Variants in DROSHA observed in about 807,000 individuals in gnomAD.
DROSHA encodes the protein drosha ribonuclease III.
DROSHA carries 56 observed loss-of-function variants against 181.9 expected under a neutral mutation model. That is an observed-to-expected ratio of 0.31 (90% CI 0.25 to 0.38). The LOEUF is 0.38. Ranked by LOEUF, DROSHA falls within the 10% of genes least tolerant of loss-of-function variation. The pLI is 1.00. For missense variants in DROSHA, 1,218 were observed against 1,743.5 expected (o/e 0.70, Z 5.37); for synonymous variants, 524 against 591.2 (o/e 0.89, Z 1.65).
intron 13 of DROSHA, among the ~76,000 whole-genome samples, chr5:31,487,957 G>A (rs576058405): frequency 1.3e-5 from 2 of 152,044 alleles, no homozygotes; most frequent in Non-Finnish European, 2.9e-5. Context: ...TAAGCTACGG[G>A]TCCTATCTTA....
intron 29 of DROSHA, chr5:31,421,933 T>TGTGTGTGTGTGTGTGTGTG: frequency 8.7e-6 from 1 of 115,534 alleles, no homozygotes. Flanking sequence ...TGTGTGTGTG[T>TGTGTGTGTGTGTGTGTGTG]ATATAAATTA....
chr5:31,405,767 CTTTTT>C (rs67380927), intron 34 of DROSHA, 44 bp from the exon 35 acceptor site: 8,248 of 467,936 alleles, frequency 0.018, 17 homozygotes, highest in East Asian at 0.035. Flanking sequence ...TTTCAAGATT[CTTTTT>C]TTTTTTTTTT....
chr5:31,410,952 T>C (rs1426333488), intron 30 of DROSHA, 65 bp from the exon 31 acceptor site: 1 of 1,595,780 alleles, frequency 6.3e-7, no homozygotes, highest in East Asian at 2.2e-5. Context: ...TATTCCTGGG[T>C]TGGACCCAAC....
At chr5:31,414,143 A>T (rs1741675769) in intron 30 of DROSHA, among the ~76,000 whole-genome samples, 1 of 152,180 alleles carries the variant, frequency 6.6e-6, no homozygotes, top group Non-Finnish European at 1.5e-5. Flanking sequence ...TGATGTGAAG[A>T]AGACTGCACT....
chr5:31,486,936 C>T (rs1479685609), intron 13 of DROSHA, among the ~76,000 whole-genome samples: 1 of 152,192 alleles, frequency 6.6e-6, no homozygotes, highest in Non-Finnish European at 1.5e-5. Flanking sequence ...GCTCCTTAGG[C>T]AGATCAGGGA....
chr5:31,479,893 T>C (rs1470029825), intron 16 of DROSHA, among the ~76,000 whole-genome samples: 1 of 151,952 alleles, frequency 6.6e-6, no homozygotes, highest in Non-Finnish European at 1.5e-5. Flanking sequence ...TTAAGCTTTG[T>C]AGACACTTTC....
intron 35 of DROSHA, among the ~76,000 whole-genome samples, chr5:31,404,976 C>T (rs1490914311): frequency 2.0e-5 from 3 of 152,134 alleles, no homozygotes; most frequent in African/African-American, 7.2e-5. Context: ...TATGTAATAA[C>T]AGCCCATTTA....
Position 31,486,522 on chromosome 5 carries a change from G to A in DROSHA, c.1883C>T (p.Thr628Met), listed in dbSNP as rs756470214. The stretch of plus-strand genomic sequence containing the variant: ...CATCATCTCTTCAATGAAATGAATC[G>A]TGTAGTCTATGTTGAATCTAATTAC... ...CKVIRFNIDY[T>M]IHFIEEMMPE... Residue 628 changes from threonine to methionine, a missense_variant, in exon 14 of 36, where the codon ACG becomes ATG. Transcript: ENST00000344624. The A allele has an allele frequency of 1.7e-5, 27 of 1,613,546 alleles. No individual in the cohort carries two copies. Among genetic ancestry groups the A allele is most frequent in the South Asian group, 3.3e-5 (3 of 91,008 alleles).
intron 30 of DROSHA, among the ~76,000 whole-genome samples, chr5:31,418,243 CAGAGAG>C (rs35207002): frequency 6.7e-6 from 1 of 148,618 alleles, no homozygotes; most frequent in Non-Finnish European, 1.5e-5. Context: ...GTGTGTGTCA[CAGAGAG>C]AGAGAGAGAG....
intron 35 of DROSHA, among the ~76,000 whole-genome samples, chr5:31,405,061 G>C (rs1740477487): frequency 6.6e-6 from 1 of 152,190 alleles, no homozygotes; most frequent in South Asian, 2.1e-4. Context: ...TTAGAGAATA[G>C]AGAAATGTAT....
chr5:31,420,434 T>C (rs1027864407), intron 30 of DROSHA, among the ~76,000 whole-genome samples: 2 of 152,182 alleles, frequency 1.3e-5, no homozygotes, highest in African/African-American at 2.4e-5. Flanking sequence ...AGGATATTAT[T>C]GATTGGTTTC....
chr5:31,448,705 A>C (rs1746595963), intron 22 of DROSHA, 98 bp from the exon 23 acceptor site: 1 of 893,778 alleles, frequency 1.1e-6, no homozygotes, highest in South Asian at 1.5e-5. Context: ...TCTCAATGTG[A>C]TTTTAAAAGG....
At chr5:31,479,180 G>GA (rs1233914567) in intron 16 of DROSHA, among the ~76,000 whole-genome samples, 1 of 151,832 alleles carries the variant, frequency 6.6e-6, no homozygotes, top group Non-Finnish European at 1.5e-5. Flanking sequence ...TCCACTTGAA[G>GA]AAAAAAAGCA....
In DROSHA at chr5:31,529,069, C is replaced by A; in HGVS notation, c.-10G>T. On this transcript the variant is annotated 5_prime_UTR_variant, in exon 4 of 36. Transcript: ENST00000344624. ...TGTTTCCCTGCATCATGATGTTCCG[C>A]CTGGATATGTCACATCTTCCACAGA... The A allele has an allele frequency of 6.2e-7, 1 of 1,612,900 alleles. No homozygotes were observed. Among genetic ancestry groups the A allele is most frequent in the Non-Finnish European group, 8.5e-7 (1 of 1,179,568 alleles).
At chr5:31,406,778 T>C in intron 34 of DROSHA, 75 bp downstream of exon 34, 5 of 1,350,866 alleles carry the variant, frequency 3.7e-6, no homozygotes, top group Non-Finnish European at 5.2e-6. Flanking sequence ...GATGACTGAG[T>C]TTGGAGATAG....
rs187868272 is a variant in DROSHA at position 31,459,213 on chromosome 5, T to C, written c.2574+5023A>G. Among the ~76,000 whole-genome samples, 55 of 152,326 alleles carry C rather than the reference T, an allele frequency of 3.6e-4. No homozygotes were observed. The South Asian group carries it at 4.6e-3, about 13-fold the overall frequency. ...CATTATACTTTTCTCTTGCATCTTG[T>C]ATGTTTTAAATTATTCCTAATAAAA... On this transcript the variant is annotated intron_variant, in intron 20 of 35. Transcript: ENST00000344624.
intron 21 of DROSHA, 80 bp from the exon 22 acceptor site, chr5:31,449,499 G>A: frequency 2.1e-6 from 3 of 1,451,380 alleles, no homozygotes; most frequent in Admixed American, 2.1e-5. Context: ...ATCCTAAGGT[G>A]GAGGGACCAC....
chr5:31,438,270 C>T (rs78078120), intron 23 of DROSHA, among the ~76,000 whole-genome samples: 3,873 of 152,208 alleles, frequency 0.025, 156 homozygotes, highest in East Asian at 0.2. Context: ...TTCAACAGGC[C>T]ACACTGGCTG....
chr5:31,465,831 A>G (rs1274758543), intron 19 of DROSHA, among the ~76,000 whole-genome samples: 1 of 152,036 alleles, frequency 6.6e-6, no homozygotes, highest in East Asian at 1.9e-4. Flanking sequence ...ACCATGATTA[A>G]AAGCATCCTG....
Sources: allele counts gnomAD v4.1 joint callset (sites outside exome capture counted in the v4.1 genomes callset), GRCh38; gene constraint gnomAD v4.1.1; transcripts MANE v1.5; gene names NCBI Gene and HGNC (gene_info 2026-07-23, HGNC 2026-07-21).